The following NRXN2 variants were observed in gnomAD, a reference collection of about 807,000 sequenced individuals.
NRXN2 encodes neurexin 2, also known as neurexin-2-beta.
Under a neutral mutation model 128.8 loss-of-function variants are expected in NRXN2, and 29 were observed. That is an observed-to-expected ratio of 0.23 (90% CI 0.17 to 0.31). NRXN2 has a LOEUF of 0.31. Ranked by LOEUF, NRXN2 falls within the 10% of genes least tolerant of loss-of-function variation. The pLI is 1.00. For synonymous variants in NRXN2, 1,098 were observed against 1,075.2 expected (o/e 1.02, Z -0.41); for missense variants, 1,881 against 2,452.6 (o/e 0.77, Z 4.92).
intron 1 of NRXN2, among the ~76,000 whole-genome samples, chr11:64,720,581 C>T (rs998995995): frequency 4.7e-4 from 71 of 152,140 alleles, no homozygotes; most frequent in African/African-American, 1.6e-3. Flanking sequence ...GGAGGCCCTG[C>T]GCCGAAGGTA....
In NRXN2 at chr11:64,648,128, C is replaced by T. The variant is rs2046967246; in HGVS notation, c.3403+91G>A. On this transcript the variant is annotated intron_variant, in intron 17 of 22. Transcript: ENST00000265459. This position sits in a 1 kb window ranked among gnomAD's most constrained non-coding sequence, Gnocchi z 4.1. ...GAAGAAGCAGCACAGCTCCTGAATGCTCAGAGGCCCTGTTTCCTCCCTGGC... is the reference window on the plus strand; with the variant it reads ...GAAGAAGCAGCACAGCTCCTGAATGTTCAGAGGCCCTGTTTCCTCCCTGGC... 1.3e-6 allele frequency: 2 copies of T among 1,567,874 alleles called. No homozygotes were observed. The highest frequency in any genetic ancestry group is 2.7e-5 in the African/African-American group (2 of 74,236).
At chr11:64,618,404 G>A (rs1202615932) in intron 22 of NRXN2, among the ~76,000 whole-genome samples, 1 of 152,204 alleles carries the variant, frequency 6.6e-6, no homozygotes, top group Non-Finnish European at 1.5e-5. Context: ...GTGAACATGG[G>A]CACCTGTGTG....
intron 2 of NRXN2, among the ~76,000 whole-genome samples, chr11:64,704,653 G>C (rs2056013247): frequency 6.6e-6 from 1 of 151,040 alleles, no homozygotes; most frequent in African/African-American, 2.4e-5. Flanking sequence ...GAGAGAGAGA[G>C]AGAGAGAGAG....
At chr11:64,675,993 T>C (rs530252) in intron 7 of NRXN2, 49,716 of 153,046 alleles carry the variant, frequency 0.32, 10,339 homozygotes, top group African/African-American at 0.59. Flanking sequence ...GGACTGAGCC[T>C]AACCCAAACA....
chr11:64,674,510 C>G (rs1008772561), intron 7 of NRXN2, among the ~76,000 whole-genome samples: 1 of 152,162 alleles, frequency 6.6e-6, no homozygotes, highest in Non-Finnish European at 1.5e-5. Flanking sequence ...ACCAGCTTAA[C>G]CACCTCAGCC....
At chr11:64,680,989 C>T (rs934745088) in intron 6 of NRXN2, among the ~76,000 whole-genome samples, 7 of 150,720 alleles carry the variant, frequency 4.6e-5, no homozygotes, top group Non-Finnish European at 8.8e-5. Flanking sequence ...CCCAGCTACT[C>T]AGGAGGCTGA....
At chr11:64,668,292 G>A (rs2050164157) in intron 8 of NRXN2, 151 bp downstream of exon 8, 3 of 941,756 alleles carry the variant, frequency 3.2e-6, no homozygotes, top group Admixed American at 4.3e-5. Flanking sequence ...TGGAGTCAGT[G>A]GGCCTTAGGT....
rs2042141744 is a variant in NRXN2 at position 64,620,388 on chromosome 11, AG to A, written c.4174-17del. On this transcript the variant is annotated splice_polypyrimidine_tract_variant and intron_variant, in intron 21 of 22. Transcript: ENST00000265459. The stretch of plus-strand genomic sequence containing the variant: ...CATCTGTGTTCTGAGGGGCGAGAGA[AG>A]GGGTGGGGAAAGAGAGGTTCCAGGC... 7 of 1,548,722 alleles carry A rather than the reference AG, an allele frequency of 4.5e-6. No homozygotes were observed. The highest frequency in any genetic ancestry group is 1.7e-4 in the Middle Eastern group (1 of 5,994).
rs1384932157 is a variant in NRXN2 at position 64,698,373 on chromosome 11, C to T, written c.731-581G>A. Among the ~76,000 whole-genome samples, 7 of 152,290 alleles carry T rather than the reference C, an allele frequency of 4.6e-5. No individual in the cohort carries two copies. The East Asian group carries it at 1.2e-3, about 25-fold the overall frequency. Reference sequence around the variant, plus strand: ...CAACCACCTACGGCCCCTGACCCTCCCAGGGGTGAAAAGACATCAAGACAC... The same window carrying T: ...CAACCACCTACGGCCCCTGACCCTCTCAGGGGTGAAAAGACATCAAGACAC... On this transcript the variant is annotated intron_variant, in intron 2 of 22. Coordinates refer to ENST00000265459, the MANE Select transcript of NRXN2 (RefSeq NM_015080.4).
rs72925197 is a variant in NRXN2, at chr11:64,648,559, C to A, written c.3283+175G>T. ...CCAGGGTGTGAGACAACAGGGAGGGCAAGTGACCCTTCACACACCTGTATC... is the reference window on the plus strand; with the variant it reads ...CCAGGGTGTGAGACAACAGGGAGGGAAAGTGACCCTTCACACACCTGTATC... On this transcript the variant is annotated intron_variant, in intron 16 of 22. Coordinates refer to ENST00000265459, the MANE Select transcript of NRXN2 (RefSeq NM_015080.4). The surrounding 1 kb of genome is among the most constrained non-coding windows in gnomAD (Gnocchi z 4.1). Among the ~76,000 whole-genome samples the A allele has an allele frequency of 0.023, 3,559 of 152,282 alleles. 66 individuals are homozygous for A. Among genetic ancestry groups the A allele is most frequent in the Non-Finnish European group, 0.035 (2,401 of 67,996 alleles).
Position 64,660,248 on chromosome 11 carries a change from C to G in NRXN2, c.2389+84G>C, listed in dbSNP as rs530182808. The stretch of plus-strand genomic sequence containing the variant: ...CTGAGGGCACCTCTTGCTGGTGCCA[C>G]CACCAGCTTCTCCAGACAGAGGCAG... On this transcript the variant is annotated intron_variant, in intron 11 of 22. Coordinates refer to ENST00000265459, the MANE Select transcript of NRXN2 (RefSeq NM_015080.4). This position sits in a 1 kb window ranked among gnomAD's most constrained non-coding sequence, Gnocchi z 5.2. 4.7e-6 allele frequency: 7 copies of G among 1,487,148 alleles called. No individual in the cohort carries two copies. In the African/African-American group the frequency reaches 9.7e-5, roughly 21 times the overall value. The allele number at this position is 1,487,148 out of a possible 1,614,324, so 92.1% of individuals were successfully genotyped here.
At chr11:64,712,666 G>A (rs1350690352) in intron 2 of NRXN2, 1 of 571,190 alleles carries the variant, frequency 1.8e-6, no homozygotes, top group Non-Finnish European at 3.4e-6. Flanking sequence ...AGCCCACGGG[G>A]CTTCATGCAC....
intron 9 of NRXN2, chr11:64,661,388 C>T: frequency 7.1e-7 from 1 of 1,416,550 alleles, no homozygotes; most frequent in Admixed American, 2.8e-5. Context: ...TGCTGTGGGC[C>T]TCTGTCCATA....
In NRXN2 at chr11:64,690,430, G is replaced by A. The variant is rs769535512; in HGVS notation, c.825C>T (p.Ala275=). 14 of 1,613,236 alleles carry A rather than the reference G, an allele frequency of 8.7e-6. No individual in the cohort carries two copies. Among genetic ancestry groups the A allele is most frequent in the African/African-American group, 5.3e-5 (4 of 74,850 alleles). The change falls in exon 5 of 23, where the codon GCC becomes GCT. Residue 275 remains alanine, a synonymous_variant. Transcript: ENST00000265459. ...FSEGGAGRGG[A]GDVHQPTKGK... Reference sequence around the variant, plus strand: ...CTTTTGTTGGCTGGTGCACATCGCCGGCTCCTCCTCTCCCGGCCCCCCCCT... The same window carrying A: ...CTTTTGTTGGCTGGTGCACATCGCCAGCTCCTCCTCTCCCGGCCCCCCCCT...
intron 8 of NRXN2, among the ~76,000 whole-genome samples, chr11:64,668,048 A>C (rs2050127303): frequency 6.6e-6 from 1 of 152,192 alleles, no homozygotes; most frequent in African/African-American, 2.4e-5. Flanking sequence ...GCCCCTCACA[A>C]CCTTATGAAG....
intron 6 of NRXN2, among the ~76,000 whole-genome samples, chr11:64,681,558 G>A (rs373401941): frequency 1.3e-4 from 20 of 152,278 alleles, no homozygotes; most frequent in African/African-American, 4.6e-4. Flanking sequence ...TTCGTGCCAG[G>A]CACTGTGTTG....
chr11:64,637,222 C>G (rs559470900), intron 17 of NRXN2, among the ~76,000 whole-genome samples: 5 of 152,114 alleles, frequency 3.3e-5, no homozygotes, highest in Non-Finnish European at 7.4e-5. Context: ...GGCCAAGAAA[C>G]CACCCCCAGC....
chr11:64,630,335 C>T lies in NRXN2; in HGVS notation c.3757+67G>A. 4 of 1,485,252 alleles carry T rather than the reference C, an allele frequency of 2.7e-6. No individual in the cohort carries two copies. Among genetic ancestry groups the T allele is most frequent in the Non-Finnish European group, 3.6e-6 (4 of 1,098,352 alleles). The allele number at this position is 1,485,252 out of a possible 1,614,324, so 92.0% of individuals were successfully genotyped here. A position where few individuals can be genotyped will look rare whatever the true frequency, so the allele number is the denominator to read the frequency against. On this transcript the variant is annotated intron_variant, in intron 19 of 22. Coordinates refer to ENST00000265459, the MANE Select transcript of NRXN2 (RefSeq NM_015080.4). The surrounding 1 kb of genome is among the most constrained non-coding windows in gnomAD (Gnocchi z 4.6). ...CCGCTTAGCCCCGCCCCGGTGCGGC[C>T]GCACTCCTATCAGAGGCCGCCACCC...
chr11:64,682,733 G>C (rs539113811), intron 6 of NRXN2, among the ~76,000 whole-genome samples: 1 of 152,292 alleles, frequency 6.6e-6, no homozygotes, highest in African/African-American at 2.4e-5. Context: ...AAGCATACTG[G>C]GTATGGGAGG....
Sources: gnomAD v4.1 joint callset for allele counts (sites outside exome capture counted in the v4.1 genomes callset) on GRCh38, gnomAD v4.1.1 for gene constraint, Gnocchi (gnomAD v3.1) non-coding constraint, MANE v1.5 for transcripts, NCBI Gene and HGNC (gene_info 2026-07-23, HGNC 2026-07-21) for gene names.